The following POT1 variants were observed in gnomAD, a reference collection of about 807,000 sequenced individuals.
POT1 encodes protection of telomeres protein 1.
Under a neutral mutation model 78.5 loss-of-function variants are expected in POT1, and 47 were observed. The ratio of observed to expected loss-of-function variants is 0.60; its 90% CI spans 0.47 to 0.76. The LOEUF (loss-of-function observed/expected upper bound fraction) is 0.76. POT1 is among the 30% of genes least tolerant of loss of function. The pLI is 0.00. For synonymous variants in POT1, 259 were observed against 260.7 expected (o/e 0.99, Z 0.06); for missense variants, 646 against 749.9 (o/e 0.86, Z 1.62).
At chr7:124,862,822 T>C (rs142910895) in intron 8 of POT1, among the ~76,000 whole-genome samples, 190 of 152,276 alleles carry the variant, frequency 1.2e-3, no homozygotes, top group African/African-American at 4.4e-3. Context: ...CTGGGATAGG[T>C]ATATACAGAG....
intron 2 of POT1, among the ~76,000 whole-genome samples, chr7:124,923,520 AT>A (rs1017593853): frequency 6.6e-6 from 1 of 151,862 alleles, no homozygotes; most frequent in African/African-American, 2.4e-5. Context: ...GCCATTTGAG[AT>A]GTCCAGGACT....
rs2116531006 is a variant in POT1 at position 124,860,229 on chromosome 7, A to G, written c.547-1117T>C. On this transcript the variant is annotated intron_variant, in intron 8 of 18. Transcript: ENST00000357628. The stretch of plus-strand genomic sequence containing the variant: ...CCCAATATATTTTTGCTATGTACAT[A>G]TACATTTTTAGTGTGTAAATGAAAC... Among the ~76,000 whole-genome samples, 3 of 152,202 alleles carry G rather than the reference A, an allele frequency of 2.0e-5. No individual in the cohort carries two copies. In the Middle Eastern group the frequency reaches 0.01, roughly 518 times the overall value.
At chr7:124,918,910 G>T (rs1027950634) in intron 2 of POT1, among the ~76,000 whole-genome samples, 2 of 152,096 alleles carry the variant, frequency 1.3e-5, no homozygotes, top group African/African-American at 4.8e-5. Flanking sequence ...GAAGACATCT[G>T]GCCCTCACTG....
In POT1 at chr7:124,915,571, T is replaced by C. The variant is rs2116697620; in HGVS notation, c.-154+3A>G. 1 of 152,286 alleles carries C rather than the reference T, an allele frequency of 6.6e-6. No individual in the cohort carries two copies. The highest frequency in any genetic ancestry group is 2.1e-4 in the South Asian group (1 of 4,814). 9.4% of individuals were successfully genotyped at this position (152,286 alleles called of 1,614,324 possible). ...GTAGAAATAGTTTGCTTATACTATA[T>C]ACCTTGTAGTCCAATCTGCAAAACA... is the stretch of plus-strand genomic sequence containing the variant. On this transcript the variant is annotated splice_donor_region_variant and intron_variant, in intron 3 of 18. Transcript: ENST00000357628.
At position 124,892,359 on chromosome 7, in the gene POT1, A is replaced by G. The variant is rs1584792034; in HGVS notation, c.31T>C (p.Tyr11His). The G allele has an allele frequency of 6.7e-7, 1 of 1,483,588 alleles. No individual in the cohort carries two copies. The highest frequency in any genetic ancestry group is 1.5e-5 in the African/African-American group (1 of 67,716). 91.9% of individuals were successfully genotyped at this position (1,483,588 alleles called of 1,614,324 possible). MSLVPATNYI[Y>H]TPLNQLKGGT... Reference sequence around the variant, plus strand: ...CCCTTAAGTTGATTCAGGGGTGTATATATATAATTTGTTGCTGGAACCTAA... The same window carrying G: ...CCCTTAAGTTGATTCAGGGGTGTATGTATATAATTTGTTGCTGGAACCTAA... Residue 11 changes from tyrosine to histidine, a missense_variant, in exon 6 of 19, where the codon TAT becomes CAT. Transcript: ENST00000357628.
Position 124,835,327 on chromosome 7 carries a change from A to G in POT1, c.1457T>C (p.Leu486Ser). ...TATAAGAAATGGTGCTGAAAGGTCC[A>G]AAAGTTCCAGGTCTTCGTGGCCAGA... Reference protein sequence around the residue: ...VRSGHEDLELLDLSAPFLIQG... With the variant: ...VRSGHEDLELSDLSAPFLIQG... Residue 486 changes from leucine (L) to serine (S), a missense_variant, in exon 15 of 19, where the codon TTG becomes TCG. Physicochemically the swap from Leu to Ser is moderately radical, Grantham distance 145 (BLOSUM62 -2). Around this residue, in one of 2 missense-constraint regions of POT1, gnomAD observed 394 missense variants for 408.4 expected, o/e 0.96. Coordinates refer to ENST00000357628, the MANE Select transcript of POT1 (RefSeq NM_015450.3). 1 of 1,614,136 alleles carries G rather than the reference A, an allele frequency of 6.2e-7. No homozygotes were observed. Among genetic ancestry groups the G allele is most frequent in the Non-Finnish European group, 8.5e-7 (1 of 1,179,990 alleles).
At chr7:124,868,500 T>C (rs1275322410) in intron 7 of POT1, among the ~76,000 whole-genome samples, 1 of 151,958 alleles carries the variant, frequency 6.6e-6, no homozygotes, top group East Asian at 1.9e-4. Context: ...CAATAGCTGA[T>C]AAAATAGATA....
At chr7:124,873,773 G>A (rs971775659) in intron 6 of POT1, among the ~76,000 whole-genome samples, 2 of 151,994 alleles carry the variant, frequency 1.3e-5, no homozygotes, top group African/African-American at 4.8e-5. Flanking sequence ...TAGTAATGAA[G>A]GTATAGAGAT....
chr7:124,831,136 T>C (rs1025430867), intron 15 of POT1, among the ~76,000 whole-genome samples: 12 of 152,126 alleles, frequency 7.9e-5, no homozygotes, highest in African/African-American at 2.9e-4. Flanking sequence ...CTGACAAAAT[T>C]ACAAAATTAA....
At chr7:124,883,189 C>T (rs1304240418) in intron 6 of POT1, among the ~76,000 whole-genome samples, 2 of 151,934 alleles carry the variant, frequency 1.3e-5, no homozygotes, top group Non-Finnish European at 2.9e-5. Context: ...TCTGATCCAC[C>T]AACTCCATTC....
At chr7:124,898,857 C>A (rs990845016) in intron 3 of POT1, among the ~76,000 whole-genome samples, 1 of 152,080 alleles carries the variant, frequency 6.6e-6, no homozygotes, top group Non-Finnish European at 1.5e-5. Context: ...AAGATATTTT[C>A]TTTCTACTTA....
rs527609851 is a variant in POT1, at chr7:124,915,612, C to T, written c.-192G>A. On this transcript the variant is annotated 5_prime_UTR_variant, in exon 3 of 19. In the 5' UTR this introduces an upstream ATG that the reference lacks. Transcript: ENST00000357628. Reference sequence around the variant, plus strand: ...CTGCAAAACAGCTGTTTTATTTCCACGATAAGTTAAAGAAGAGATAAGTGA... The same window carrying T: ...CTGCAAAACAGCTGTTTTATTTCCATGATAAGTTAAAGAAGAGATAAGTGA... 4.0e-5 allele frequency: 6 copies of T among 151,318 alleles called. No homozygotes were observed. Among genetic ancestry groups the T allele is most frequent in the Non-Finnish European group, 8.8e-5 (6 of 67,832 alleles). The allele number at this position is 151,318 out of a possible 1,614,324, so 9.4% of individuals were successfully genotyped here.
chr7:124,870,814 C>T (rs982497298), intron 7 of POT1, 97 bp downstream of exon 7: 2 of 1,039,178 alleles, frequency 1.9e-6, no homozygotes, highest in African/African-American at 3.3e-5. Flanking sequence ...CTGTCATGTT[C>T]TAACAAAGCA....
chr7:124,827,439 T>C, intron 16 of POT1, 134 bp from the exon 17 acceptor site: 2 of 450,194 alleles, frequency 4.4e-6, no homozygotes, highest in Non-Finnish European at 7.7e-6. Context: ...AAAGAAAAAC[T>C]TGGCATTATC....
At chr7:124,835,522 GAA>G in intron 14 of POT1, 108 bp from the exon 15 acceptor site, 1 of 1,207,902 alleles carries the variant, frequency 8.3e-7, no homozygotes, top group Non-Finnish European at 1.1e-6. Flanking sequence ...GGAATTGACA[GAA>G]AAAGACAATG....
intron 3 of POT1, among the ~76,000 whole-genome samples, chr7:124,905,667 A>G (rs948340100): frequency 3.3e-5 from 5 of 152,254 alleles, no homozygotes; most frequent in Non-Finnish European, 7.3e-5. Context: ...GCTTCTGCAC[A>G]GCAAAAGAAA....
At chr7:124,851,403 G>A (rs186832545) in intron 11 of POT1, among the ~76,000 whole-genome samples, 74 of 152,258 alleles carry the variant, frequency 4.9e-4, no homozygotes, top group Middle Eastern at 3.4e-3. Context: ...ACTTATTCAA[G>A]CAGACAATAT....
intron 4 of POT1, among the ~76,000 whole-genome samples, 161 bp from the exon 5 acceptor site, chr7:124,897,373 T>C (rs186656815): frequency 2.6e-4 from 38 of 143,760 alleles, no homozygotes; most frequent in Admixed American, 6.4e-4. Flanking sequence ...ATGTGCAAAG[T>C]TGTCTAAGCT....
chr7:124,853,961 G>A (rs926234948), intron 9 of POT1, among the ~76,000 whole-genome samples: 7 of 151,992 alleles, frequency 4.6e-5, no homozygotes, highest in African/African-American at 7.2e-5. Context: ...AGCAAAAGGA[G>A]TTACAAACAA....
Sources: gnomAD v4.1 joint callset for allele counts (sites outside exome capture counted in the v4.1 genomes callset) on GRCh38, gnomAD v4.1.1 for gene constraint, gnomAD v4.1.1 regional missense constraint, MANE v1.5 for transcripts, NCBI Gene and HGNC (gene_info 2026-07-23, HGNC 2026-07-21) for gene names.